The following PDE11A variants were observed in gnomAD, a reference collection of about 807,000 sequenced individuals.
PDE11A encodes phosphodiesterase 11A.
Under a neutral mutation model 100.5 loss-of-function variants are expected in PDE11A, and 100 were observed. The ratio of observed to expected loss-of-function variants is 1.00; its 90% CI spans 0.85 to 1.18. The LOEUF (loss-of-function observed/expected upper bound fraction) is 1.18. PDE11A is among the 50% of genes most tolerant of loss of function. The pLI is 0.00. For missense variants in PDE11A, 1,141 were observed against 1,152.6 expected, an observed-to-expected ratio of 0.99 and a Z score of 0.15; for synonymous variants, 381 against 420.8, an observed-to-expected ratio of 0.91 and a Z score of 1.16.
chr2:178,043,792 T>A (rs1170929894), intron 1 of PDE11A, among the ~76,000 whole-genome samples: 1 of 152,162 alleles, frequency 6.6e-6, no homozygotes, highest in East Asian at 1.9e-4. Context: ...ATGAGGAAAC[T>A]GAAGCTAAGA....
At chr2:177,779,169 G>A (rs2082418847) in intron 9 of PDE11A, among the ~76,000 whole-genome samples, 1 of 152,114 alleles carries the variant, frequency 6.6e-6, no homozygotes, top group South Asian at 2.1e-4. Flanking sequence ...GTGTGTAATA[G>A]CATATCTAAA....
rs146451751 is a variant in PDE11A at position 177,855,785 on chromosome 2, A to G, written c.1368-15402T>C. Among the ~76,000 whole-genome samples, 6 of 152,160 alleles carry G rather than the reference A, an allele frequency of 3.9e-5. No individual in the cohort carries two copies. The East Asian group carries it at 1.2e-3, about 29-fold the overall frequency. ...CATGGCAATTGCTTCAGGTGGTGAT[A>G]ACACTTGCAGCTAACAAGAAGCTGA... is the stretch of plus-strand genomic sequence containing the variant. On this transcript the variant is annotated intron_variant, in intron 5 of 19. Coordinates refer to ENST00000286063, the MANE Select transcript of PDE11A (RefSeq NM_016953.4).
At chr2:177,945,783 G>T (rs1279919884) in intron 2 of PDE11A, among the ~76,000 whole-genome samples, 2 of 150,968 alleles carry the variant, frequency 1.3e-5, no homozygotes, top group East Asian at 4.0e-4. Flanking sequence ...GAGGTGGGGG[G>T]TCAGCCCCCC....
intron 1 of PDE11A, among the ~76,000 whole-genome samples, chr2:178,053,935 C>T (rs2086864057): frequency 6.6e-6 from 1 of 152,076 alleles, no homozygotes; most frequent in African/African-American, 2.4e-5. Context: ...GCCATACTGC[C>T]CAAAGTAATG....
intron 2 of PDE11A, among the ~76,000 whole-genome samples, chr2:178,087,319 C>T (rs548180130): frequency 3.3e-5 from 5 of 151,216 alleles, no homozygotes; most frequent in African/African-American, 4.9e-5. Flanking sequence ...CGCCATTACA[C>T]TCCACCCTGG....
In PDE11A at chr2:177,651,885, A is replaced by C. The variant is rs182437211; in HGVS notation, c.2646+11981T>G. ...CTAATTCACTGGGGCGATTGTGAGC[A>C]GCAAGTATACCCTCCCTAGTTTCTC... On this transcript the variant is annotated intron_variant, in intron 19 of 19. Transcript: ENST00000286063. 9.9e-4 allele frequency among the ~76,000 whole-genome samples: 150 copies of C among 152,268 alleles called. 3 individuals carry two copies. The highest frequency in any genetic ancestry group is 3.5e-3 in the African/African-American group (147 of 41,556).
chr2:177,967,296 A>G (rs2105794127), intron 2 of PDE11A, among the ~76,000 whole-genome samples: 1 of 150,722 alleles, frequency 6.6e-6, no homozygotes, highest in East Asian at 2.0e-4. Flanking sequence ...TCCTGGGTTC[A>G]AGTGATTCTC....
chr2:178,096,194 C>T (rs1343847042), intron 2 of PDE11A, among the ~76,000 whole-genome samples: 3 of 82,524 alleles, frequency 3.6e-5, no homozygotes, highest in East Asian at 5.2e-4. Flanking sequence ...GATGGAGTCT[C>T]GCTCTGTCGC....
At chr2:177,681,741 AT>A (rs1194795227) in intron 15 of PDE11A, among the ~76,000 whole-genome samples, 1 of 152,202 alleles carries the variant, frequency 6.6e-6, no homozygotes, top group Non-Finnish European at 1.5e-5. Flanking sequence ...GACATGTCTC[AT>A]TATTCCTTCC....
At chr2:177,721,864 T>G (rs1160958838) in intron 12 of PDE11A, among the ~76,000 whole-genome samples, 1 of 152,190 alleles carries the variant, frequency 6.6e-6, no homozygotes, top group African/African-American at 2.4e-5. Context: ...AAATTTTTAT[T>G]AGCCATAATT....
chr2:177,941,356 A>G (rs545962463), intron 2 of PDE11A, among the ~76,000 whole-genome samples: 7 of 152,024 alleles, frequency 4.6e-5, no homozygotes, highest in African/African-American at 1.7e-4. Flanking sequence ...TCAATCCCCA[A>G]ACCCTAACCC....
At chr2:178,018,355 G>A in intron 1 of PDE11A, 2 of 44,820 alleles carry the variant, frequency 4.5e-5, no homozygotes, top group Non-Finnish European at 1.1e-4. Flanking sequence ...ACGGAAAGCT[G>A]CCAAGGCAGG....
At chr2:177,806,329 G>A (rs1178715785) in intron 9 of PDE11A, among the ~76,000 whole-genome samples, 1 of 152,186 alleles carries the variant, frequency 6.6e-6, no homozygotes, top group South Asian at 2.1e-4. Context: ...TGCAGCCTGG[G>A]TAGTTGGGAT....
intron 2 of PDE11A, among the ~76,000 whole-genome samples, chr2:177,907,225 T>C (rs2084803810): frequency 6.6e-6 from 1 of 152,162 alleles, no homozygotes; most frequent in Non-Finnish European, 1.5e-5. Flanking sequence ...ACAAATCATA[T>C]AAGCTCTTGA....
At position 178,018,374 on chromosome 2, in the gene PDE11A, C is replaced by CACACTTGACTTTAACTTGGT. The variant is rs1481061657; in HGVS notation, c.913-3915_913-3914insACCAAGTTAAAGTCAAGTGT. The CACACTTGACTTTAACTTGGT allele has an allele frequency of 1.4e-5, 7 of 488,218 alleles. No homozygotes were observed. The East Asian group carries it at 3.3e-4, about 23-fold the overall frequency. 30.2% of individuals were successfully genotyped at this position (488,218 alleles called of 1,614,324 possible). A position where few individuals can be genotyped will look rare whatever the true frequency, so the allele number is the denominator to read the frequency against. ...AAAGCTGCCAAGGCAGGCCTTTTGGCACACTTGACTTTAACCTTTGCCGGG... is the reference window on the plus strand; with the variant it reads ...AAAGCTGCCAAGGCAGGCCTTTTGGCACACTTGACTTTAACTTGGTACACTTGACTTTAACCTTTGCCGGG... On this transcript the variant is annotated intron_variant, in intron 1 of 19. Coordinates refer to ENST00000286063, the MANE Select transcript of PDE11A (RefSeq NM_016953.4).
intron 10 of PDE11A, among the ~76,000 whole-genome samples, chr2:177,732,173 T>C (rs2081702121): frequency 6.7e-6 from 1 of 148,732 alleles, no homozygotes; most frequent in Non-Finnish European, 1.5e-5. Flanking sequence ...TGCGCCCCTG[T>C]GGGTTCACTT....
chr2:177,928,860 C>G (rs1236720922), intron 2 of PDE11A, among the ~76,000 whole-genome samples: 1 of 149,624 alleles, frequency 6.7e-6, no homozygotes, highest in Non-Finnish European at 1.5e-5. Flanking sequence ...AAGACCCTGT[C>G]TCAAAAAAAA....
intron 2 of PDE11A, among the ~76,000 whole-genome samples, chr2:177,981,693 G>A (rs2085884145): frequency 6.6e-6 from 1 of 150,606 alleles, no homozygotes; most frequent in African/African-American, 2.4e-5. Context: ...CTTTTGCAGG[G>A]GTGTGGGAAG....
At chr2:178,032,782 A>G (rs190086363) in intron 1 of PDE11A, among the ~76,000 whole-genome samples, 44 of 152,306 alleles carry the variant, frequency 2.9e-4, no homozygotes, top group Admixed American at 3.9e-4. Context: ...CCTCCAGCAA[A>G]CTGCAGCAGA....
Sources: allele counts gnomAD v4.1 joint callset (sites outside exome capture counted in the v4.1 genomes callset), GRCh38; gene constraint gnomAD v4.1.1; transcripts MANE v1.5; gene names NCBI Gene and HGNC (gene_info 2026-07-23, HGNC 2026-07-21).